Variants in PLXND1 observed in about 807,000 individuals in gnomAD.
The protein encoded by PLXND1 is plexin D1.
In PLXND1, 54 loss-of-function variants were observed where a neutral mutation model predicts 197.7. The observed-to-expected ratio is 0.27, with a 90% confidence interval of 0.22 to 0.34. PLXND1 has a LOEUF of 0.34. PLXND1 is among the 10% of genes least tolerant of loss of function. The pLI is 1.00. For synonymous variants in PLXND1, 1,180 were observed against 1,161.2 expected, an observed-to-expected ratio of 1.02 and a Z score of -0.33; for missense variants, 2,127 against 2,699.2, an observed-to-expected ratio of 0.79 and a Z score of 4.70.
chr3:129,571,463 T>C (rs764600386), intron 17 of PLXND1, 46 bp downstream of exon 17: 1 of 1,566,714 alleles, frequency 6.4e-7, no homozygotes, highest in East Asian at 2.2e-5. Flanking sequence ...GCCCTGGCTG[T>C]GCCTGGGCCA....
At position 129,586,703 on chromosome 3, in the gene PLXND1, C is replaced by T. The variant is rs1176481144; in HGVS notation, c.1505G>A (p.Ser502Asn). 1 of 1,599,394 alleles carries T rather than the reference C, an allele frequency of 6.3e-7. No individual in the cohort carries two copies. The highest frequency in any genetic ancestry group is 8.5e-7 in the Non-Finnish European group (1 of 1,172,692). Residue 502 changes from serine to asparagine, a missense_variant, in exon 3 of 36, where the codon AGC becomes AAC. Coordinates refer to ENST00000324093, the MANE Select transcript of PLXND1 (RefSeq NM_015103.3). ...GRLLKINLNE[S>N]MQVVSRRVVT... is the part of the protein sequence containing the mutation. ...CACCCGCCTGCTCACCACCTGCATG[C>T]TCTCGTTCAGGTTGATCTGTGGGGG... is the stretch of plus-strand genomic sequence containing the variant.
chr3:129,571,360 G>C, intron 17 of PLXND1, 57 bp from the exon 18 acceptor site: 1 of 1,580,498 alleles, frequency 6.3e-7, no homozygotes. Context: ...GATGGGCATG[G>C]AGAAACGGTG....
intron 15 of PLXND1, among the ~76,000 whole-genome samples, 183 bp from the exon 16 acceptor site, chr3:129,572,027 C>T (rs2085241814): frequency 6.6e-6 from 1 of 152,154 alleles, no homozygotes. Context: ...CAAATTCCGC[C>T]CCATCCCACC....
In PLXND1 at chr3:129,557,796, C is replaced by T. The variant is rs565020190; in HGVS notation, c.5446-573G>A. On this transcript the variant is annotated intron_variant, in intron 33 of 35. Transcript: ENST00000324093. This position sits in a 1 kb window ranked among gnomAD's most constrained non-coding sequence, Gnocchi z 4.8. ...CGTGGGCTAAATGCAGGGTCACACACGACCTGGACCAATCCTGCAGTGCCA... is the reference window on the plus strand; with the variant it reads ...CGTGGGCTAAATGCAGGGTCACACATGACCTGGACCAATCCTGCAGTGCCA... Among the ~76,000 whole-genome samples the T allele has an allele frequency of 9.2e-5, 14 of 152,338 alleles. No homozygotes were observed. The highest frequency in any genetic ancestry group is 6.2e-4 in the South Asian group (3 of 4,828).
rs544365548 is a variant in PLXND1, at chr3:129,571,876, T to C, written c.3078-32A>G. 3.9e-6 allele frequency: 6 copies of C among 1,549,588 alleles called. No homozygotes were observed. In the African/African-American group the frequency reaches 6.8e-5, roughly 18 times the overall value. Reference sequence around the variant, plus strand: ...GGAGCAGCAGGTTATCAGCAGGGCCTGCCTTCTGCTGCTCACCCACCGCCA... The same window carrying C: ...GGAGCAGCAGGTTATCAGCAGGGCCCGCCTTCTGCTGCTCACCCACCGCCA... On this transcript the variant is annotated intron_variant, in intron 15 of 35. Coordinates refer to ENST00000324093, the MANE Select transcript of PLXND1 (RefSeq NM_015103.3).
rs761212959 is a variant in PLXND1, at chr3:129,563,073, CT to C, written c.4668+20del. ...GCGGCGACACAGCAGCCCTGGGACC[CT>C]CCCCGCCCTGCCGACTTACCCGGGG... is the stretch of plus-strand genomic sequence containing the variant. On this transcript the variant is annotated intron_variant, in intron 26 of 35. Transcript: ENST00000324093. 1.9e-6 allele frequency: 3 copies of C among 1,613,160 alleles called. No individual in the cohort carries two copies. Among genetic ancestry groups the C allele is most frequent in the Non-Finnish European group, 2.5e-6 (3 of 1,179,742 alleles).
intron 29 of PLXND1, chr3:129,560,980 C>G (rs775543614): frequency 3.2e-6 from 2 of 626,464 alleles, no homozygotes; most frequent in Non-Finnish European, 5.9e-6. Context: ...TAAGTGAGAT[C>G]CAGAGACACA....
Position 129,567,552 on chromosome 3 carries a change from G to T in PLXND1, c.4026C>A (p.Arg1342=). The change falls in exon 22 of 36, where the codon CGC becomes CGA. Residue 1342 remains arginine (R), a synonymous_variant. Coordinates refer to ENST00000324093, the MANE Select transcript of PLXND1 (RefSeq NM_015103.3). ...DMTDLTKELN[R]SQGIPFLEYK... Reference sequence around the variant, plus strand: ...ACTCCAGGAAGGGGATGCCCTGGCTGCGGTTCAGCTCCTTGGTGAGATCTG... The same window carrying T: ...ACTCCAGGAAGGGGATGCCCTGGCTTCGGTTCAGCTCCTTGGTGAGATCTG... 6.2e-7 allele frequency: 1 copy of T among 1,612,314 alleles called. No individual in the cohort carries two copies. Among genetic ancestry groups the T allele is most frequent in the Non-Finnish European group, 8.5e-7 (1 of 1,179,032 alleles).
At chr3:129,563,367 A>G in intron 25 of PLXND1, 127 bp from the exon 26 acceptor site, 1 of 716,128 alleles carries the variant, frequency 1.4e-6, no homozygotes, top group Non-Finnish European at 2.2e-6. Context: ...CCTGGTGTCA[A>G]CACTCTCCTC....
At chr3:129,585,218 G>A (rs2085441749) in intron 5 of PLXND1, among the ~76,000 whole-genome samples, 1 of 152,220 alleles carries the variant, frequency 6.6e-6, no homozygotes, top group South Asian at 2.1e-4. Flanking sequence ...TAACGGCAGG[G>A]CAGGGCAGAG....
At chr3:129,601,153 A>G (rs1452615655) in intron 1 of PLXND1, among the ~76,000 whole-genome samples, 2 of 152,136 alleles carry the variant, frequency 1.3e-5, no homozygotes, top group African/African-American at 4.8e-5. Flanking sequence ...GAGGAAAGGG[A>G]TCCAAGCTAC....
chr3:129,578,574 GCCC>G lies in PLXND1; in HGVS notation c.2242-144_2242-142del, dbSNP rs2085345950. The stretch of plus-strand genomic sequence containing the variant: ...AGTCATTCAGTCCTAACGGCCACCA[GCCC>G]CACCCCGTGCCTCCCACTCGCCACC... On this transcript the variant is annotated intron_variant, in intron 8 of 35. Coordinates refer to ENST00000324093, the MANE Select transcript of PLXND1 (RefSeq NM_015103.3). 8.3e-6 allele frequency: 5 copies of G among 604,186 alleles called. No homozygotes were observed. The South Asian group carries it at 9.9e-5, about 12-fold the overall frequency. 37.4% of individuals were successfully genotyped at this position (604,186 alleles called of 1,614,324 possible).
Position 129,583,568 on chromosome 3 carries a change from G to A in PLXND1, c.2240C>T (p.Thr747Met), listed in dbSNP as rs200002798. Residue 747 changes from threonine to methionine, a missense_variant and splice_region_variant, in exon 8 of 36, where the codon ACG becomes ATG. Thr to Met is a moderately conservative substitution (Grantham distance 81). Transcript: ENST00000324093. Reference protein sequence around the residue: ...QSRCEASPNPTSPQDCPRTLL... With the variant: ...QSRCEASPNPMSPQDCPRTLL... ...GAGGGGCCCCCTAGCCTGGCTTACC[G>A]TGGGGTTTGGTGAGGCCTCGCACCG... 37 of 1,608,862 alleles carry A rather than the reference G, an allele frequency of 2.3e-5. No individual in the cohort carries two copies. Among genetic ancestry groups the A allele is most frequent in the Middle Eastern group, 3.3e-4 (2 of 6,066 alleles).
chr3:129,580,889 C>T (rs187538708), intron 8 of PLXND1, among the ~76,000 whole-genome samples: 9 of 152,118 alleles, frequency 5.9e-5, no homozygotes, highest in Admixed American at 2.0e-4. Flanking sequence ...TCCACTGGCC[C>T]GTAGTGACCA....
intron 32 of PLXND1, 33 bp downstream of exon 32, chr3:129,559,587 C>T (rs1218567238): frequency 6.5e-7 from 1 of 1,541,988 alleles, no homozygotes; most frequent in Admixed American, 1.9e-5. Context: ...CCCAGTGGCA[C>T]AGTGAAGTCC....
Position 129,606,435 on chromosome 3 carries a change from C to G in PLXND1, c.205G>C (p.Gly69Arg). ...TNNFALDGAA[G>R]TVYLAAVNRL... Reference sequence around the variant, plus strand: ...TTGACGGCCGCCAGGTACACGGTCCCCGCCGCGCCGTCCAGGGCGAAGTTG... The same window carrying G: ...TTGACGGCCGCCAGGTACACGGTCCGCGCCGCGCCGTCCAGGGCGAAGTTG... The change falls in exon 1 of 36, where the codon GGG becomes CGG. Residue 69 changes from glycine to arginine, a missense_variant. By Grantham distance (125) the Gly-to-Arg change is moderately radical. Around this residue, in one of 6 missense-constraint regions of PLXND1, gnomAD observed 245 missense variants for 267.1 expected, o/e 0.92. Coordinates refer to ENST00000324093, the MANE Select transcript of PLXND1 (RefSeq NM_015103.3). 2 of 1,479,340 alleles carry G rather than the reference C, an allele frequency of 1.4e-6. No individual in the cohort carries two copies. Among genetic ancestry groups the G allele is most frequent in the Non-Finnish European group, 1.8e-6 (2 of 1,122,744 alleles). 91.6% of individuals were successfully genotyped at this position (1,479,340 alleles called of 1,614,324 possible).
intron 8 of PLXND1, 72 bp downstream of exon 8, chr3:129,583,495 T>C: frequency 1.0e-6 from 1 of 974,038 alleles, no homozygotes; most frequent in Non-Finnish European, 1.6e-6. Flanking sequence ...CATTGAAACA[T>C]TCTCAACATG....
At position 129,565,424 on chromosome 3, in the gene PLXND1, G is replaced by C. The variant is rs772292827; in HGVS notation, c.4437C>G (p.Pro1479=). The part of the protein sequence containing the change: ...DLIDASAAKN[P]KLMLRRTESV... ...ACTCTGTGCGCCGCAGCATGAGCTT[G>C]GGGTTCTTGGCGGCCGAGGCGTCAA... The change falls in exon 25 of 36, where the codon CCC becomes CCG. Residue 1479 remains proline, a synonymous_variant. Transcript: ENST00000324093. 4.3e-6 allele frequency: 7 copies of C among 1,614,138 alleles called. No homozygotes were observed. Among genetic ancestry groups the C allele is most frequent in the Non-Finnish European group, 5.9e-6 (7 of 1,180,030 alleles).
chr3:129,596,930 C>G (rs1036955447), intron 1 of PLXND1, among the ~76,000 whole-genome samples: 1 of 152,152 alleles, frequency 6.6e-6, no homozygotes, highest in African/African-American at 2.4e-5. Flanking sequence ...GACAACGGGG[C>G]CCTCTCTCCA....
Sources: gnomAD v4.1 joint callset for allele counts (sites outside exome capture counted in the v4.1 genomes callset) on GRCh38, gnomAD v4.1.1 for gene constraint, gnomAD v4.1.1 regional missense constraint, Gnocchi (gnomAD v3.1) non-coding constraint, MANE v1.5 for transcripts, NCBI Gene and HGNC (gene_info 2026-07-23, HGNC 2026-07-21) for gene names.